The following SLC26A7 variants were observed in gnomAD, a reference collection of about 807,000 sequenced individuals.
SLC26A7 encodes solute carrier family 26 member 7.
SLC26A7 carries 59 observed loss-of-function variants against 82.5 expected under a neutral mutation model. The ratio of observed to expected loss-of-function variants is 0.72; its 90% confidence interval spans 0.58 to 0.89. The LOEUF is 0.89. Ranked by LOEUF, SLC26A7 falls within the 40% of genes least tolerant of loss-of-function variation. The pLI, the probability that SLC26A7 is intolerant of heterozygous loss-of-function variation, is 0.00. For synonymous variants in SLC26A7, 271 were observed against 274.3 expected, an observed-to-expected ratio of 0.99 and a Z score of 0.12; for missense variants, 820 against 793.0, an observed-to-expected ratio of 1.03 and a Z score of -0.41.
chr8:91,269,002 C>A (rs1417800413), intron 2 of SLC26A7, among the ~76,000 whole-genome samples: 2 of 151,442 alleles, frequency 1.3e-5, no homozygotes, highest in African/African-American at 4.8e-5. Flanking sequence ...CCCATTTTGA[C>A]TTTTTGATGT....
At chr8:91,329,054 A>G (rs1238212860) in intron 5 of SLC26A7, among the ~76,000 whole-genome samples, 1 of 152,180 alleles carries the variant, frequency 6.6e-6, no homozygotes, top group East Asian at 1.9e-4. Flanking sequence ...CCATACAGAT[A>G]TAAATATTAT....
At chr8:91,300,215 T>G (rs1226422416) in intron 4 of SLC26A7, among the ~76,000 whole-genome samples, 1 of 152,184 alleles carries the variant, frequency 6.6e-6, no homozygotes, top group Non-Finnish European at 1.5e-5. Flanking sequence ...GTCAAGTTTA[T>G]TCCCAAGGAT....
chr8:91,355,852 T>C (rs1380199098), intron 11 of SLC26A7, among the ~76,000 whole-genome samples: 1 of 152,194 alleles, frequency 6.6e-6, no homozygotes. Context: ...GCATTAGGTA[T>C]GTCTCCAAAT....
At chr8:91,251,447 G>C (rs563879179) in intron 2 of SLC26A7, among the ~76,000 whole-genome samples, 1 of 151,980 alleles carries the variant, frequency 6.6e-6, no homozygotes, top group Non-Finnish European at 1.5e-5. Context: ...AATGGATAAG[G>C]CTGCACTACA....
At chr8:91,325,810 G>A (rs527357963) in intron 5 of SLC26A7, among the ~76,000 whole-genome samples, 2 of 152,296 alleles carry the variant, frequency 1.3e-5, no homozygotes, top group East Asian at 3.9e-4. Flanking sequence ...TTGGTAAAAT[G>A]TGCACGTGTT....
intron 2 of SLC26A7, among the ~76,000 whole-genome samples, chr8:91,267,357 G>C (rs919048938): frequency 1.3e-5 from 2 of 151,840 alleles, no homozygotes; most frequent in African/African-American, 4.8e-5. Context: ...TTAAATGTTC[G>C]ATAGAATTCA....
At chr8:91,288,993 G>T in intron 2 of SLC26A7, 143 bp from the exon 3 acceptor site, 2 of 551,592 alleles carry the variant, frequency 3.6e-6, no homozygotes, top group Non-Finnish European at 3.2e-6. Context: ...TTTATTTAGG[G>T]CAATAATGCT....
chr8:91,371,653 A>G (rs771222060), intron 15 of SLC26A7, among the ~76,000 whole-genome samples: 14 of 151,900 alleles, frequency 9.2e-5, no homozygotes, highest in Non-Finnish European at 2.1e-4. Flanking sequence ...GGTTGATTCT[A>G]TGACTTTTCT....
Position 91,334,389 on chromosome 8 carries a change from A to C in SLC26A7, c.737A>C (p.Glu246Ala). The change falls in exon 6 of 19, where the codon GAG becomes GCG. Residue 246 changes from glutamate (E) to alanine (A), a missense_variant. Physicochemically the swap from Glu to Ala is moderately radical, Grantham distance 107. Transcript: ENST00000276609. Reference protein sequence around the residue: ...LSIVVLVLVKELNEQFKRKIK... With the variant: ...LSIVVLVLVKALNEQFKRKIK... ...ATTGTGGTCCTTGTTCTTGTTAAAGAGCTGAATGAACAGTTTAAAAGGAAA... is the reference window on the plus strand; with the variant it reads ...ATTGTGGTCCTTGTTCTTGTTAAAGCGCTGAATGAACAGTTTAAAAGGAAA... 7 of 1,613,478 alleles carry C rather than the reference A, an allele frequency of 4.3e-6. No homozygotes were observed. The highest frequency in any genetic ancestry group is 5.9e-6 in the Non-Finnish European group (7 of 1,179,598).
At chr8:91,257,541 G>C (rs1194091184) in intron 2 of SLC26A7, among the ~76,000 whole-genome samples, 2 of 151,886 alleles carry the variant, frequency 1.3e-5, no homozygotes, top group African/African-American at 4.8e-5. Flanking sequence ...CTGCACAAAG[G>C]CAAGACTTGA....
At chr8:91,228,865 C>A (rs1273589593) in intron 2 of SLC26A7, among the ~76,000 whole-genome samples, 4 of 152,158 alleles carry the variant, frequency 2.6e-5, no homozygotes, top group Non-Finnish European at 4.4e-5. Context: ...ATGCCTCATT[C>A]AAGTAACATT....
At chr8:91,234,821 CTACCTACTTCCT>C (rs1810366556) in intron 2 of SLC26A7, among the ~76,000 whole-genome samples, 1 of 99,342 alleles carries the variant, frequency 1.0e-5, no homozygotes, top group African/African-American at 5.3e-5. Flanking sequence ...ACCTACCTAC[CTACCTACTTCCT>C]TCCTTCCTTC....
chr8:91,391,200 C>T (rs1431053608), intron 16 of SLC26A7, among the ~76,000 whole-genome samples: 1 of 151,972 alleles, frequency 6.6e-6, no homozygotes, highest in Admixed American at 6.6e-5. Context: ...TGTGAAGATA[C>T]GGGTGGGAGT....
At chr8:91,270,212 T>C (rs536586729) in intron 2 of SLC26A7, among the ~76,000 whole-genome samples, 1 of 152,328 alleles carries the variant, frequency 6.6e-6, no homozygotes, top group Admixed American at 6.5e-5. Context: ...TTCCAGCTTT[T>C]GGAGGTACTC....
chr8:91,248,151 AT>A (rs1198474120), upstream of SLC26A7, among the ~76,000 whole-genome samples: 7 of 152,292 alleles, frequency 4.6e-5, no homozygotes, highest in Non-Finnish European at 5.9e-5. Flanking sequence ...GAACTATTGA[AT>A]GGTTTAGAAA....
At chr8:91,306,892 C>G (rs559645463) in intron 4 of SLC26A7, among the ~76,000 whole-genome samples, 2 of 151,580 alleles carry the variant, frequency 1.3e-5, no homozygotes, top group South Asian at 4.2e-4. Context: ...TTTTTGCAAC[C>G]TACTCATCTG....
chr8:91,361,755 C>A (rs1814055343), intron 11 of SLC26A7, among the ~76,000 whole-genome samples: 1 of 151,992 alleles, frequency 6.6e-6, no homozygotes, highest in African/African-American at 2.4e-5. Context: ...AAATGTTCCC[C>A]AAAACTAAGT....
intron 9 of SLC26A7, among the ~76,000 whole-genome samples, chr8:91,351,520 A>G (rs568164414): frequency 6.6e-6 from 1 of 152,308 alleles, no homozygotes; most frequent in East Asian, 1.9e-4. Flanking sequence ...CAAAAAAGCC[A>G]TCACTGTGAT....
At chr8:91,354,402 TG>T (rs1445980791) in intron 11 of SLC26A7, among the ~76,000 whole-genome samples, 1 of 152,060 alleles carries the variant, frequency 6.6e-6, no homozygotes, top group Non-Finnish European at 1.5e-5. Flanking sequence ...TCAAGGTATT[TG>T]GCATGGGTAG....
Sources: gnomAD v4.1 joint callset for allele counts (sites outside exome capture counted in the v4.1 genomes callset) on GRCh38, gnomAD v4.1.1 for gene constraint, MANE v1.5 for transcripts, NCBI Gene and HGNC (gene_info 2026-07-23, HGNC 2026-07-21) for gene names.